COA1: variants seen among roughly 807,000 people sequenced by gnomAD.
COA1 encodes the protein cytochrome c oxidase assembly factor 1 homolog.
In COA1, 13 loss-of-function variants were observed where a neutral mutation model predicts 16.0. The observed-to-expected ratio is 0.81, with a 90% CI of 0.53 to 1.29. COA1 has a LOEUF of 1.29. COA1 is among the 50% of genes most tolerant of loss of function. COA1 has a pLI of 0.00. For synonymous variants in COA1, 65 were observed against 65.7 expected (o/e 0.99, Z 0.05); for missense variants, 179 against 177.0 (o/e 1.01, Z -0.06).
chr7:43,647,422 AC>A (rs745733783), intron 3 of COA1, 112 bp downstream of exon 3: 29 of 791,250 alleles, frequency 3.7e-5, no homozygotes, highest in Admixed American at 8.0e-5. Flanking sequence ...CTTTAAAATC[AC>A]CCTCTCCTCC....
chr7:43,624,778 T>C, intron 6 of COA1: 1 of 1,612,328 alleles, frequency 6.2e-7, no homozygotes. Flanking sequence ...CAAAAGGCCA[T>C]TTCCAAACGA....
intron 1 of COA1, among the ~76,000 whole-genome samples, chr7:43,692,973 T>A (rs2094422898): frequency 6.6e-6 from 1 of 152,136 alleles, no homozygotes; most frequent in South Asian, 2.1e-4. Flanking sequence ...ATTATCTATG[T>A]CCAAGCTCCA....
chr7:43,708,097 A>G (rs1449305269), intron 1 of COA1, among the ~76,000 whole-genome samples: 10 of 152,162 alleles, frequency 6.6e-5, no homozygotes, highest in Admixed American at 6.5e-4. Flanking sequence ...CCAGCTACTC[A>G]GGAGCCTGAG....
chr7:43,718,930 A>G (rs567498345), intron 1 of COA1, among the ~76,000 whole-genome samples: 1 of 151,608 alleles, frequency 6.6e-6, no homozygotes, highest in South Asian at 2.1e-4. Context: ...GGGTTTCAAC[A>G]GGGAGCAAGA....
chr7:43,661,389 C>A (rs1023972196), intron 1 of COA1, among the ~76,000 whole-genome samples: 1 of 152,206 alleles, frequency 6.6e-6, no homozygotes, highest in Non-Finnish European at 1.5e-5. Flanking sequence ...GTAATCCCAG[C>A]ACTTTGGGAG....
chr7:43,641,004 T>C (rs1467553176), intron 4 of COA1: 8 of 192,928 alleles, frequency 4.1e-5, no homozygotes, highest in Non-Finnish European at 7.3e-5. Context: ...GCCAAAGGGC[T>C]TTACACAGGA....
At chr7:43,645,206 C>T (rs1224155016) in intron 4 of COA1, 45 bp downstream of exon 4, 2 of 1,601,062 alleles carry the variant, frequency 1.2e-6, no homozygotes, top group Non-Finnish European at 1.7e-6. Flanking sequence ...ACTCTCCTCT[C>T]CTTCAGCAGG....
chr7:43,662,347 A>G (rs1351128457), intron 1 of COA1, among the ~76,000 whole-genome samples: 1 of 152,172 alleles, frequency 6.6e-6, no homozygotes, highest in Non-Finnish European at 1.5e-5. Flanking sequence ...CTCCTGCCTC[A>G]GCCTCCCAAA....
At chr7:43,618,590 AC>A (rs1348094624) in intron 6 of COA1, among the ~76,000 whole-genome samples, 18 of 152,278 alleles carry the variant, frequency 1.2e-4, no homozygotes, top group African/African-American at 3.4e-4. Flanking sequence ...TTAAGTGAGG[AC>A]CCTTTATAAT....
intron 6 of COA1, among the ~76,000 whole-genome samples, chr7:43,624,085 G>T (rs1484132508): frequency 6.6e-6 from 1 of 151,918 alleles, no homozygotes; most frequent in East Asian, 1.9e-4. Flanking sequence ...AAGAAAAGGG[G>T]GCAAAAATGA....
chr7:43,629,463 A>G (rs2084953689), intron 6 of COA1, among the ~76,000 whole-genome samples: 1 of 152,204 alleles, frequency 6.6e-6, no homozygotes, highest in African/African-American at 2.4e-5. Flanking sequence ...TTTTCAGTGC[A>G]GAGATCCTAT....
downstream of COA1, among the ~76,000 whole-genome samples, chr7:43,634,647 C>T (rs2085562216): frequency 6.6e-6 from 1 of 152,218 alleles, no homozygotes; most frequent in African/African-American, 2.4e-5. Flanking sequence ...CTCATTACAA[C>T]AGGCAAAGAA....
chr7:43,664,130 A>AGAGAGAGAGAGAGAGAGT (rs1307866265), intron 1 of COA1, among the ~76,000 whole-genome samples: 9 of 148,500 alleles, frequency 6.1e-5, no homozygotes, highest in African/African-American at 2.2e-4. Context: ...AGAGAGAGAG[A>AGAGAGAGAGAGAGAGAGT]GTCTTGCTAT....
chr7:43,680,936 A>G (rs902554443), intron 1 of COA1, among the ~76,000 whole-genome samples: 12 of 151,888 alleles, frequency 7.9e-5, no homozygotes, highest in African/African-American at 2.9e-4. Flanking sequence ...GCCCCATTAC[A>G]CTCCAGCCTG....
intron 1 of COA1, among the ~76,000 whole-genome samples, chr7:43,651,512 G>A (rs2153110121): frequency 6.6e-6 from 1 of 152,184 alleles, no homozygotes; most frequent in South Asian, 2.1e-4. Flanking sequence ...GCTGGCACAG[G>A]CTGGAGGATC....
chr7:43,727,026 G>A (rs2095630609), intron 1 of COA1, among the ~76,000 whole-genome samples: 1 of 152,190 alleles, frequency 6.6e-6, no homozygotes, highest in Non-Finnish European at 1.5e-5. Flanking sequence ...ACAAAGAAAA[G>A]ATGAACGTTT....
At chr7:43,634,247 G>A (rs2085502887) in intron 6 of COA1, among the ~76,000 whole-genome samples, 1 of 152,130 alleles carries the variant, frequency 6.6e-6, no homozygotes, top group Admixed American at 6.5e-5. Context: ...CTTGGCATAA[G>A]AGCATGGCTT....
At chr7:43,648,062 G>A (rs2089926701) in intron 2 of COA1, 1 of 198,684 alleles carries the variant, frequency 5.0e-6, no homozygotes. Context: ...GGCTGGAGCT[G>A]TCACTGGCTC....
chr7:43,616,684 T>G (rs542415660), intron 6 of COA1, among the ~76,000 whole-genome samples: 2 of 152,016 alleles, frequency 1.3e-5, no homozygotes, highest in Admixed American at 1.3e-4. Context: ...GATCACGAGG[T>G]CAGGAGATCG....
Sources: gnomAD v4.1 joint callset for allele counts (sites outside exome capture counted in the v4.1 genomes callset) on GRCh38, gnomAD v4.1.1 for gene constraint, MANE v1.5 for transcripts, NCBI Gene and HGNC (gene_info 2026-07-23, HGNC 2026-07-21) for gene names.